KMT2D: variants seen among roughly 807,000 people sequenced by gnomAD.
KMT2D encodes lysine methyltransferase 2D.
Under a neutral mutation model 512.7 loss-of-function variants are expected in KMT2D, and 55 were observed. The ratio of observed to expected loss-of-function variants is 0.11; its 90% CI spans 0.09 to 0.13. KMT2D has a LOEUF of 0.13. KMT2D is among the 10% of genes least tolerant of loss of function. The probability of loss-of-function intolerance (pLI) is 1.00; values close to 1 mark genes in which losing one functional copy is unlikely to be tolerated. For missense variants in KMT2D, 6,061 were observed against 7,127.9 expected, an observed-to-expected ratio of 0.85 and a Z score of 5.39; for synonymous variants, 2,995 against 2,904.0, an observed-to-expected ratio of 1.03 and a Z score of -1.01.
In KMT2D at chr12:49,040,921, C is replaced by G. The variant is rs2120537723; in HGVS notation, c.6849G>C (p.Lys2283Asn). 3 of 1,613,780 alleles carry G rather than the reference C, an allele frequency of 1.9e-6. No homozygotes were observed. The highest frequency in any genetic ancestry group is 1.7e-6 in the Non-Finnish European group (2 of 1,179,744). Residue 2283 changes from lysine (K) to asparagine (N), a missense_variant, in exon 32 of 55, where the codon AAG becomes AAC. Transcript: ENST00000301067. ...LSPPPFGESR[K>N]ALEVKKEELG... The stretch of plus-strand genomic sequence containing the variant: ...GCTCTTCCTTCTTCACCTCTAGGGC[C>G]TTCCGGGACTCCCCAAAAGGTGGGG...
Position 49,031,754 on chromosome 12 carries a change from T to C in KMT2D, c.12951A>G (p.Pro4317=). The C allele has an allele frequency of 6.2e-7, 1 of 1,613,002 alleles. No homozygotes were observed. Among genetic ancestry groups the C allele is most frequent in the Middle Eastern group, 1.7e-4 (1 of 6,050 alleles). ...GGGAAGGTAATTGTGAAGGTCTCTT[T>C]GGCTCTTGAGGGCTGGATGGTGGAG... ...PTPPPSSPQE[P]KRPSQLPSPS... Residue 4317 remains proline (P), a synonymous_variant, in exon 40 of 55, where the codon CCA becomes CCG. Transcript: ENST00000301067.
chr12:49,049,760 C>T lies in KMT2D; in HGVS notation c.3828G>A (p.Gly1276=), dbSNP rs771432794. 4 of 1,611,958 alleles carry T rather than the reference C, an allele frequency of 2.5e-6. No homozygotes were observed. Among genetic ancestry groups the T allele is most frequent in the East Asian group, 4.5e-5 (2 of 44,796 alleles). Reference sequence around the variant, plus strand: ...CAGCTTTGCCTCCGCTGATAGCTGTCCCAGCATCGCACAATAGTGAGTCAT... The same window carrying T: ...CAGCTTTGCCTCCGCTGATAGCTGTTCCAGCATCGCACAATAGTGAGTCAT... ...ETDDSLLCDA[G]TAISGGKAEG... is the part of the protein sequence containing the mutation. Residue 1276 remains glycine (G), a synonymous_variant, in exon 12 of 55, where the codon GGG becomes GGA. Transcript: ENST00000301067.
In KMT2D at chr12:49,038,322, G is replaced by A. The variant is rs752355105; in HGVS notation, c.9034C>T (p.Leu3012=). The change falls in exon 35 of 55, where the codon CTG becomes TTG. Residue 3012 remains leucine (L), a synonymous_variant. Transcript: ENST00000301067. The surrounding 1 kb of genome is among the most constrained non-coding windows in gnomAD (Gnocchi z 5.7). ...TTGGCCACATCCACACCCAGACCCA[G>A]GTGAGCAAGCTCTTCATCATCCTCT... The part of the protein sequence containing the change: ...ALEDDEELAH[L]GLGVDVAKGD... 1.2e-4 allele frequency: 187 copies of A among 1,613,864 alleles called. 1 individual carries two copies. The Middle Eastern group carries it at 4.5e-3, about 38-fold the overall frequency.
chr12:49,034,381 T>C (rs1450516195), intron 38 of KMT2D, 29 bp downstream of exon 38: 2 of 1,613,256 alleles, frequency 1.2e-6, no homozygotes, highest in Non-Finnish European at 1.7e-6. Context: ...ACCACTCCCC[T>C]GCACCTTCCT....
At chr12:49,048,163 C>A in intron 14 of KMT2D, 94 bp from the exon 15 acceptor site, 1 of 819,848 alleles carries the variant, frequency 1.2e-6, no homozygotes, top group Non-Finnish European at 2.0e-6. Context: ...GATTTGCGAC[C>A]AGAGTCAGGA....
intron 12 of KMT2D, 125 bp from the exon 13 acceptor site, chr12:49,049,343 C>A: frequency 1.5e-6 from 1 of 657,984 alleles, no homozygotes. Flanking sequence ...GAGTCCCACT[C>A]AGGGCAAGGG....
Position 49,026,495 on chromosome 12 carries a change from A to G in KMT2D, c.15471T>C (p.Ile5157=). ...SSFAVFRRVY[I]ERDEVKQIAS... ...CGATTTGCTTCACCTCGTCCCGCTC[A>G]ATGTAGACCCGCCGGAAGACAGCAA... is the stretch of plus-strand genomic sequence containing the variant. The change falls in exon 49 of 55, where the codon ATT becomes ATC. Residue 5157 remains isoleucine (I), a synonymous_variant. Coordinates refer to ENST00000301067, the MANE Select transcript of KMT2D (RefSeq NM_003482.4). The surrounding 1 kb of genome is among the most constrained non-coding windows in gnomAD (Gnocchi z 9.6). The G allele has an allele frequency of 6.2e-7, 1 of 1,613,850 alleles. No homozygotes were observed. The highest frequency in any genetic ancestry group is 8.5e-7 in the Non-Finnish European group (1 of 1,179,876).
chr12:49,049,599 G>C (rs1051420607), intron 12 of KMT2D, 83 bp downstream of exon 12: 2 of 1,407,148 alleles, frequency 1.4e-6, no homozygotes, highest in African/African-American at 1.4e-5. Flanking sequence ...ACAAAGCAAG[G>C]TGGGAAAGTA....
rs1259267749 is a variant in KMT2D, at chr12:49,042,616, T to A, written c.5812A>T (p.Ser1938Cys). The A allele has an allele frequency of 6.2e-7, 1 of 1,613,696 alleles. No individual in the cohort carries two copies. The highest frequency in any genetic ancestry group is 8.5e-7 in the Non-Finnish European group (1 of 1,179,768). ...CCTGGGTAGGAGTCCATTGGGCTGCTGGAGGGCAGATTGCCCAAAGGGAGT... is the reference window on the plus strand; with the variant it reads ...CCTGGGTAGGAGTCCATTGGGCTGCAGGAGGGCAGATTGCCCAAAGGGAGT... ...GGLPLGNLPS[S>C]SPMDSYPGLC... Residue 1938 changes from serine to cysteine, a missense_variant, in exon 28 of 55, where the codon AGC becomes TGC. This residue lies in a region of KMT2D where 640 missense variants were observed against 814.3 expected (regional missense o/e 0.79). Transcript: ENST00000301067. The surrounding 1 kb of genome is among the most constrained non-coding windows in gnomAD (Gnocchi z 4.4).
rs1565794840 is a variant in KMT2D, at chr12:49,040,868, G to A, written c.6902C>T (p.Pro2301Leu). 6.2e-7 allele frequency: 1 copy of A among 1,613,680 alleles called. No homozygotes were observed. Among genetic ancestry groups the A allele is most frequent in the Admixed American group, 1.7e-5 (1 of 59,982 alleles). ...ELGASSPSYG[P>L]PNLGFVDSPS... ...TGAGTCAACAAAGCCCAGGTTTGGG[G>A]GCCCATAGCTAGGAGAGGATGCCCC... The change falls in exon 32 of 55, where the codon CCC (proline) becomes CTC (leucine). Residue 2301 changes from proline (P) to leucine (L), a missense_variant. Pro to Leu is a moderately conservative substitution (Grantham distance 98). Around this residue, in one of 16 missense-constraint regions of KMT2D, gnomAD observed 710 missense variants for 647.3 expected, o/e 1.10. Coordinates refer to ENST00000301067, the MANE Select transcript of KMT2D (RefSeq NM_003482.4).
rs780023354 is a variant in KMT2D, at chr12:49,038,791, C to T, written c.8565G>A (p.Ala2855=). 3.8e-6 allele frequency: 6 copies of T among 1,589,206 alleles called. No individual in the cohort carries two copies. The highest frequency in any genetic ancestry group is 2.7e-5 in the African/African-American group (2 of 74,384). The change falls in exon 35 of 55, where the codon GCG becomes GCA. Residue 2855 remains alanine (A), a synonymous_variant. Transcript: ENST00000301067. The surrounding 1 kb of genome is among the most constrained non-coding windows in gnomAD (Gnocchi z 5.7). The stretch of plus-strand genomic sequence containing the variant: ...GGCCTGGCAGACGGGTGGAAATTCC[C>T]GCCAACGGGGAACCTAGGGCTTGGC... ...LGRQALGSPL[A]GISTRLPGPG...
At position 49,042,363 on chromosome 12, in the gene KMT2D, A is replaced by G. The variant is rs1224875949; in HGVS notation, c.5868-33T>C. The G allele has an allele frequency of 2.0e-5, 30 of 1,497,474 alleles. No individual in the cohort carries two copies. Among genetic ancestry groups the G allele is most frequent in the Non-Finnish European group, 2.6e-5 (29 of 1,122,638 alleles). The allele number at this position is 1,497,474 out of a possible 1,614,324, so 92.8% of individuals were successfully genotyped here. A position where few individuals can be genotyped will look rare whatever the true frequency, so the allele number is the denominator to read the frequency against. On this transcript the variant is annotated intron_variant, in intron 28 of 54. Coordinates refer to ENST00000301067, the MANE Select transcript of KMT2D (RefSeq NM_003482.4). The surrounding 1 kb of genome is among the most constrained non-coding windows in gnomAD (Gnocchi z 4.4). ...GCAGGGGCAGAGAGTCACAGGGCGC[A>G]GGGATGCCAAGTCCCACCCCAGACA...
In KMT2D at chr12:49,060,091, C is replaced by T. The variant is rs993036430; in HGVS notation, c.-516G>A. Among the ~76,000 whole-genome samples the T allele has an allele frequency of 6.6e-6, 1 of 151,084 alleles. No homozygotes were observed. The highest frequency in any genetic ancestry group is 6.6e-5 in the Admixed American group (1 of 15,192). ...CGCCTGGCCCGGATGGAACGTGAGA[C>T]CCTCGCAGGAGCGCCGAGCCCCTCT... On this transcript the variant is annotated 5_prime_UTR_variant, in exon 1 of 55. Coordinates refer to ENST00000301067, the MANE Select transcript of KMT2D (RefSeq NM_003482.4).
Position 49,022,124 on chromosome 12 carries a change from G to A in KMT2D, c.16440C>T (p.Asn5480=), listed in dbSNP as rs1324484135. ...CAAATGTCACGACTTCGGCCACACA[G>A]TTAGGGGCACAGGAATGGTTAATGT... ...ARYINHSCAP[N]CVAEVVTFDK... The change falls in exon 54 of 55, where the codon AAC becomes AAT. Residue 5480 remains asparagine, a synonymous_variant. Coordinates refer to ENST00000301067, the MANE Select transcript of KMT2D (RefSeq NM_003482.4). This position sits in a 1 kb window ranked among gnomAD's most constrained non-coding sequence, Gnocchi z 8.6. 5.0e-6 allele frequency: 8 copies of A among 1,613,926 alleles called. No individual in the cohort carries two copies. The highest frequency in any genetic ancestry group is 6.8e-6 in the Non-Finnish European group (8 of 1,179,874).
rs780096090 is a variant in KMT2D at position 49,054,677 on chromosome 12, C to A, written c.251G>T (p.Arg84Leu). 1.2e-6 allele frequency: 2 copies of A among 1,612,588 alleles called. No individual in the cohort carries two copies. Among genetic ancestry groups the A allele is most frequent in the South Asian group, 1.1e-5 (1 of 90,924 alleles). The change falls in exon 4 of 55, where the codon CGC becomes CTC. Residue 84 changes from arginine (R) to leucine (L), a missense_variant. Physicochemically the swap from Arg to Leu is moderately radical, Grantham distance 102. Transcript: ENST00000301067. The surrounding 1 kb of genome is among the most constrained non-coding windows in gnomAD (Gnocchi z 6.4). ...GGGCCAATCAAATGGCAACTCAAAG[C>A]GCCGTAGCTCCCGCTGCCCGTGTAG... ...PSLHGQRELR[R>L]FELPFDWPRC... is the part of the protein sequence containing the mutation.
Position 49,033,018 on chromosome 12 carries a change from G to T in KMT2D, c.11687C>A (p.Ser3896Tyr), listed in dbSNP as rs1204083573. ...CTGCTGCTGCTGAAGCTGCTGTAAA[G>T]AGCCCATGGGCTGAGCGCTCAGTTT... ...QPKLSAQPMG[S>Y]LQQLQQQQQL... is the part of the protein sequence containing the mutation. The change falls in exon 40 of 55, where the codon TCT (serine) becomes TAT (tyrosine). Residue 3896 changes from serine (S) to tyrosine (Y), a missense_variant. By Grantham distance (144) the Ser-to-Tyr change is moderately radical (BLOSUM62 -2). Transcript: ENST00000301067. 6.4e-7 allele frequency: 1 copy of T among 1,551,122 alleles called. No individual in the cohort carries two copies. The highest frequency in any genetic ancestry group is 8.7e-7 in the Non-Finnish European group (1 of 1,146,892).
chr12:49,045,513 G>A (rs1219483729), intron 19 of KMT2D, among the ~76,000 whole-genome samples: 2 of 151,898 alleles, frequency 1.3e-5, no homozygotes, highest in African/African-American at 2.4e-5. Context: ...GCGTGGTGGC[G>A]GGCACCTGTA....
Position 49,053,479 on chromosome 12 carries a change from C to T in KMT2D, c.836G>A (p.Cys279Tyr), listed in dbSNP as rs2120696410. ...CCTCCTGCCCTTCCATTCCTACCTG[C>T]AGGCTTGGCACACTTTGCATTCAGG... ...QCPECKVCQACRKPGNDSKML... is the reference protein window; with the variant it reads ...QCPECKVCQAYRKPGNDSKML... Residue 279 changes from cysteine to tyrosine, a missense_variant, in exon 7 of 55, where the codon TGC becomes TAC. Coordinates refer to ENST00000301067, the MANE Select transcript of KMT2D (RefSeq NM_003482.4). 1.2e-6 allele frequency: 2 copies of T among 1,610,962 alleles called. No individual in the cohort carries two copies. The highest frequency in any genetic ancestry group is 1.7e-6 in the Non-Finnish European group (2 of 1,178,330).
At chr12:49,053,943 C>A (rs768327021) in intron 6 of KMT2D, 35 bp downstream of exon 6, 6 of 1,603,646 alleles carry the variant, frequency 3.7e-6, no homozygotes, top group Non-Finnish European at 5.1e-6. Flanking sequence ...TTTGGTCTCT[C>A]ATTTGCCCTA....
Sources: allele counts gnomAD v4.1 joint callset (sites outside exome capture counted in the v4.1 genomes callset), GRCh38; gene constraint gnomAD v4.1.1; regional missense constraint gnomAD v4.1.1; non-coding constraint Gnocchi (gnomAD v3.1); transcripts MANE v1.5; gene names NCBI Gene and HGNC (gene_info 2026-07-23, HGNC 2026-07-21).